Variants in CDH12 observed in about 807,000 individuals in gnomAD.
CDH12 encodes cadherin 12, also known as cadherin-12.
Under a neutral mutation model 74.1 loss-of-function variants are expected in CDH12, and 41 were observed. That is an observed-to-expected ratio of 0.55 (90% CI 0.43 to 0.72). The LOEUF (loss-of-function observed/expected upper bound fraction) is 0.72. Among genes scored for constraint, CDH12 ranks in the 30% least tolerant of loss-of-function variants. The pLI is 0.00. For missense variants in CDH12, 945 were observed against 977.2 expected, an observed-to-expected ratio of 0.97 and a Z score of 0.44; for synonymous variants, 399 against 355.0, an observed-to-expected ratio of 1.12 and a Z score of -1.39.
intron 1 of CDH12, among the ~76,000 whole-genome samples, chr5:22,649,790 T>C (rs1739636478): frequency 6.6e-6 from 1 of 151,908 alleles, no homozygotes; most frequent in South Asian, 2.1e-4. Flanking sequence ...AGGGGAATCA[T>C]ATGATAAAAT....
chr5:21,767,218 T>C (rs146003230), intron 11 of CDH12, among the ~76,000 whole-genome samples: 2,000 of 151,942 alleles, frequency 0.013, 32 homozygotes, highest in African/African-American at 0.038. Context: ...ATGTCTTTTT[T>C]ACTTTATTTC....
At chr5:22,848,049 A>G (rs1162417461) in intron 1 of CDH12, among the ~76,000 whole-genome samples, 2 of 152,006 alleles carry the variant, frequency 1.3e-5, no homozygotes. Flanking sequence ...ATGCCTGGTG[A>G]TCAGTCTCTT....
At chr5:21,834,849 A>G (rs190508830) in intron 8 of CDH12, among the ~76,000 whole-genome samples, 7 of 152,114 alleles carry the variant, frequency 4.6e-5, no homozygotes, top group Admixed American at 1.3e-4. Context: ...AATAAGCTGA[A>G]GTAGTTATCC....
chr5:22,281,888 G>C (rs1271218122), intron 3 of CDH12, among the ~76,000 whole-genome samples: 1 of 151,976 alleles, frequency 6.6e-6, no homozygotes, highest in Non-Finnish European at 1.5e-5. Context: ...TAATTTCATA[G>C]GAAACCAAAA....
At chr5:22,550,552 G>T (rs969193044) in intron 1 of CDH12, among the ~76,000 whole-genome samples, 1 of 151,990 alleles carries the variant, frequency 6.6e-6, no homozygotes, top group East Asian at 1.9e-4. Context: ...ATAACAAGTC[G>T]ATTCTAACAC....
chr5:22,817,824 C>G (rs1357333517), intron 1 of CDH12, among the ~76,000 whole-genome samples: 1 of 152,150 alleles, frequency 6.6e-6, no homozygotes, highest in Non-Finnish European at 1.5e-5. Context: ...ACTGGCAATA[C>G]AACTCTTTTT....
intron 13 of CDH12, among the ~76,000 whole-genome samples, chr5:21,757,147 G>A (rs1384574728): frequency 6.6e-6 from 1 of 152,034 alleles, no homozygotes; most frequent in Non-Finnish European, 1.5e-5. Context: ...TCAAATGGCA[G>A]CCTAACCCTT....
At chr5:22,384,917 TC>T (rs1210791431) in intron 3 of CDH12, among the ~76,000 whole-genome samples, 1 of 152,176 alleles carries the variant, frequency 6.6e-6, no homozygotes, top group Non-Finnish European at 1.5e-5. Context: ...CTACATTTGT[TC>T]TCTAGGGTCC....
In CDH12 at chr5:21,920,667, T is replaced by TATAATA. The variant is rs149078574; in HGVS notation, c.526+54423_526+54424insTATTAT. On this transcript the variant is annotated intron_variant, in intron 6 of 14. Transcript: ENST00000382254. ...TGCACATGTACCCCAGAACTTAAAG[T>TATAATA]ATGATAATAATAATAATAATAATCT... 6.9e-4 allele frequency among the ~76,000 whole-genome samples: 100 copies of TATAATA among 145,540 alleles called. 1 individual carries two copies. Among genetic ancestry groups the TATAATA allele is most frequent in the Middle Eastern group, 3.6e-3 (1 of 280 alleles).
intron 1 of CDH12, among the ~76,000 whole-genome samples, chr5:22,698,211 T>C (rs1419664509): frequency 7.1e-6 from 1 of 141,218 alleles, no homozygotes; most frequent in Non-Finnish European, 1.5e-5. Flanking sequence ...AACCTCTGCC[T>C]CCTGGGTTCA....
intron 6 of CDH12, among the ~76,000 whole-genome samples, chr5:21,890,792 T>C (rs1293359960): frequency 6.6e-6 from 1 of 151,932 alleles, no homozygotes; most frequent in East Asian, 1.9e-4. Flanking sequence ...AAAAGGACAC[T>C]AAAAAAGTGA....
chr5:22,335,767 G>A (rs1049218787), intron 3 of CDH12, among the ~76,000 whole-genome samples: 3 of 152,060 alleles, frequency 2.0e-5, no homozygotes, highest in Non-Finnish European at 4.4e-5. Flanking sequence ...AAATTGTCCA[G>A]TCTTGGGTAT....
At chr5:22,781,465 G>T (rs1245278331) in intron 1 of CDH12, among the ~76,000 whole-genome samples, 2 of 152,078 alleles carry the variant, frequency 1.3e-5, no homozygotes, top group Non-Finnish European at 2.9e-5. Context: ...TGGCTCTGCA[G>T]TTACTAAGCC....
chr5:22,788,941 A>G (rs1293990921), intron 1 of CDH12, among the ~76,000 whole-genome samples: 1 of 151,908 alleles, frequency 6.6e-6, no homozygotes, highest in East Asian at 1.9e-4. Context: ...AGAATCATGC[A>G]TATACCATAT....
chr5:22,279,521 C>T (rs1369941478), intron 3 of CDH12, among the ~76,000 whole-genome samples: 2 of 152,012 alleles, frequency 1.3e-5, no homozygotes, highest in Non-Finnish European at 2.9e-5. Context: ...GTTATCCCTC[C>T]TCCCCTCCCC....
chr5:22,086,834 G>T (rs568695917), intron 4 of CDH12, among the ~76,000 whole-genome samples: 2 of 152,234 alleles, frequency 1.3e-5, no homozygotes, highest in East Asian at 3.9e-4. Flanking sequence ...AAGGAGAAAA[G>T]AAATCGATCA....
At chr5:22,664,255 G>T (rs1477080417) in intron 1 of CDH12, among the ~76,000 whole-genome samples, 2 of 152,206 alleles carry the variant, frequency 1.3e-5, no homozygotes, top group East Asian at 3.9e-4. Flanking sequence ...ATACAGAATT[G>T]CCCGATACTG....
At chr5:22,404,278 A>G (rs1440717385) in intron 3 of CDH12, among the ~76,000 whole-genome samples, 1 of 152,076 alleles carries the variant, frequency 6.6e-6, no homozygotes, top group Non-Finnish European at 1.5e-5. Flanking sequence ...TCACCTATTT[A>G]GATTAGGATA....
chr5:22,610,519 T>C (rs1323442441), intron 1 of CDH12, among the ~76,000 whole-genome samples: 1 of 152,086 alleles, frequency 6.6e-6, no homozygotes, highest in Non-Finnish European at 1.5e-5. Flanking sequence ...TAATTCTCAG[T>C]TGGTTTTCTC....
Sources: gnomAD v4.1 joint callset for allele counts (sites outside exome capture counted in the v4.1 genomes callset) on GRCh38, gnomAD v4.1.1 for gene constraint, MANE v1.5 for transcripts, NCBI Gene and HGNC (gene_info 2026-07-23, HGNC 2026-07-21) for gene names.